Variants in NRXN3 observed in about 807,000 individuals in gnomAD.
NRXN3 encodes the protein neurexin 3, also known as neurexin III.
In NRXN3, 32 loss-of-function variants were observed where a neutral mutation model predicts 137.6. The observed-to-expected ratio is 0.23, with a 90% CI of 0.18 to 0.31. The LOEUF is 0.31. Among genes scored for constraint, NRXN3 ranks in the 10% least tolerant of loss-of-function variants. The pLI, the probability that NRXN3 is intolerant of heterozygous loss-of-function variation, is 1.00. For synonymous variants in NRXN3, 798 were observed against 784.5 expected (o/e 1.02, Z -0.29); for missense variants, 1,574 against 2,062.5 (o/e 0.76, Z 4.59).
At chr14:79,495,528 A>T (rs1281284415) in intron 16 of NRXN3, among the ~76,000 whole-genome samples, 1 of 152,180 alleles carries the variant, frequency 6.6e-6, no homozygotes, top group African/African-American at 2.4e-5. Flanking sequence ...CTGTTAAAGT[A>T]TGTAAATTCA....
rs1231518571 is a variant in NRXN3 at position 78,651,513 on chromosome 14, G to C, written c.1221+187G>C. The stretch of plus-strand genomic sequence containing the variant: ...CCCGCTTAAGCTGGTTGCATGACTT[G>C]GGGTTTGTCACTTTAGTACTGTATT... On this transcript the variant is annotated intron_variant, in intron 6 of 20. Coordinates refer to ENST00000335750, the MANE Select transcript of NRXN3 (RefSeq NM_001330195.2). Among the ~76,000 whole-genome samples, 5 of 152,154 alleles carry C rather than the reference G, an allele frequency of 3.3e-5. No homozygotes were observed. The East Asian group carries it at 7.7e-4, about 23-fold the overall frequency.
At position 79,111,045 on chromosome 14, in the gene NRXN3, C is replaced by CT. The variant is rs530457957; in HGVS notation, c.3262+122905dup. Among the ~76,000 whole-genome samples the CT allele has an allele frequency of 7.7e-4, 117 of 152,186 alleles. 1 individual carries two copies. The highest frequency in any genetic ancestry group is 6.8e-3 in the Middle Eastern group (2 of 294). ...GACCTCGTGGTCTGCCCGCCTCGGC[C>CT]TCCCAAAGTGCTGGGAGTACAGGCG... On this transcript the variant is annotated intron_variant, in intron 15 of 20. Coordinates refer to ENST00000335750, the MANE Select transcript of NRXN3 (RefSeq NM_001330195.2).
chr14:79,541,335 C>T (rs541510857), intron 16 of NRXN3, among the ~76,000 whole-genome samples: 7 of 152,138 alleles, frequency 4.6e-5, no homozygotes, highest in African/African-American at 1.7e-4. Context: ...ACCCAGGAGG[C>T]GGAGGTTGCA....
intron 16 of NRXN3, among the ~76,000 whole-genome samples, chr14:79,475,551 T>G (rs2096552162): frequency 6.6e-6 from 1 of 152,098 alleles, no homozygotes; most frequent in Non-Finnish European, 1.5e-5. Context: ...TTGCATAGCA[T>G]AAACAGGCTT....
chr14:78,685,832 T>C (rs2098120903), intron 6 of NRXN3, among the ~76,000 whole-genome samples: 1 of 151,052 alleles, frequency 6.6e-6, no homozygotes, highest in Non-Finnish European at 1.5e-5. Context: ...TTTTTGTATT[T>C]AGTAAAGCCT....
intron 16 of NRXN3, among the ~76,000 whole-genome samples, chr14:79,605,244 A>G (rs550785283): frequency 1.3e-5 from 2 of 152,268 alleles, no homozygotes; most frequent in Admixed American, 1.3e-4. Context: ...CCTTGACGTC[A>G]GCCTTGATAA....
intron 8 of NRXN3, among the ~76,000 whole-genome samples, chr14:78,732,648 A>G (rs144943626): frequency 6.6e-6 from 1 of 152,268 alleles, no homozygotes; most frequent in African/African-American, 2.4e-5. Flanking sequence ...AGTCTCTTAG[A>G]CCAGGTAAGA....
Position 78,952,685 on chromosome 14 carries a change from G to A in NRXN3, c.2276-4557G>A, listed in dbSNP as rs761459128. ...TATAATTATAGGCATCTTTCACTAC[G>A]CCTTTCTAAAGAGGGTAATTTTCAT... is the stretch of plus-strand genomic sequence containing the variant. On this transcript the variant is annotated intron_variant, in intron 10 of 20. Coordinates refer to ENST00000335750, the MANE Select transcript of NRXN3 (RefSeq NM_001330195.2). Among the ~76,000 whole-genome samples the A allele has an allele frequency of 5.2e-4, 79 of 152,218 alleles. 1 individual carries two copies. Among genetic ancestry groups the A allele is most frequent in the Middle Eastern group, 3.4e-3 (1 of 294 alleles).
intron 19 of NRXN3, among the ~76,000 whole-genome samples, chr14:79,771,447 C>G (rs914330433): frequency 6.6e-6 from 1 of 152,058 alleles, no homozygotes; most frequent in Non-Finnish European, 1.5e-5. Context: ...GGGCTTCATC[C>G]CTGGGATGCA....
At chr14:78,835,549 T>C (rs984980437) in intron 10 of NRXN3, among the ~76,000 whole-genome samples, 2 of 152,182 alleles carry the variant, frequency 1.3e-5, no homozygotes, top group African/African-American at 4.8e-5. Flanking sequence ...TGTCCCTATC[T>C]CTTTTGAATG....
chr14:78,911,367 G>A (rs1020409898), intron 10 of NRXN3, among the ~76,000 whole-genome samples: 1 of 152,086 alleles, frequency 6.6e-6, no homozygotes, highest in Admixed American at 6.5e-5. Flanking sequence ...GAAACTTTGT[G>A]ATGTTTTGTC....
intron 15 of NRXN3, among the ~76,000 whole-genome samples, chr14:79,413,537 C>T (rs2095449721): frequency 6.6e-6 from 1 of 151,902 alleles, no homozygotes; most frequent in African/African-American, 2.4e-5. Flanking sequence ...GGACCCAGAG[C>T]CCCCTAAAAC....
intron 16 of NRXN3, among the ~76,000 whole-genome samples, chr14:79,551,441 G>T (rs867411543): frequency 1.2e-4 from 19 of 152,242 alleles, no homozygotes; most frequent in South Asian, 6.2e-4. Context: ...TAATGGATTC[G>T]GTGGAAAATA....
At chr14:78,437,377 C>G (rs1357445795) in intron 4 of NRXN3, among the ~76,000 whole-genome samples, 6 of 149,082 alleles carry the variant, frequency 4.0e-5, no homozygotes, top group African/African-American at 1.5e-4. Flanking sequence ...GAGACAGAGT[C>G]TCACTCTGTT....
intron 19 of NRXN3, among the ~76,000 whole-genome samples, chr14:79,770,875 T>A (rs1259414700): frequency 6.6e-6 from 1 of 151,938 alleles, no homozygotes; most frequent in Non-Finnish European, 1.5e-5. Flanking sequence ...GATAGACCAC[T>A]AGCAAGACTA....
In NRXN3 at chr14:78,514,335, A is replaced by G. The variant is rs143511617; in HGVS notation, c.758-130785A>G. On this transcript the variant is annotated intron_variant, in intron 4 of 20. Transcript: ENST00000335750. Reference sequence around the variant, plus strand: ...GGGAAGATTCTGTGGAAGATGTGAGATCTGAGCTGTGTTCTATGGGGTAGC... The same window carrying G: ...GGGAAGATTCTGTGGAAGATGTGAGGTCTGAGCTGTGTTCTATGGGGTAGC... 2.0e-3 allele frequency among the ~76,000 whole-genome samples: 308 copies of G among 152,274 alleles called. 2 individuals are homozygous for G. The highest frequency in any genetic ancestry group is 7.2e-3 in the African/African-American group (298 of 41,552).
At chr14:79,130,755 A>T (rs147332971) in intron 15 of NRXN3, among the ~76,000 whole-genome samples, 241 of 152,246 alleles carry the variant, frequency 1.6e-3, no homozygotes, top group South Asian at 9.3e-3. Flanking sequence ...GTTTTCCTGG[A>T]TAATATCCTG....
At chr14:79,130,651 T>G (rs1026677641) in intron 15 of NRXN3, among the ~76,000 whole-genome samples, 16 of 152,164 alleles carry the variant, frequency 1.1e-4, no homozygotes, top group Non-Finnish European at 1.2e-4. Context: ...CTGACAATTA[T>G]GTGTCTTGGA....
intron 2 of NRXN3, among the ~76,000 whole-genome samples, chr14:78,245,288 C>T (rs2067516752): frequency 6.6e-6 from 1 of 152,198 alleles, no homozygotes; most frequent in Non-Finnish European, 1.5e-5. Context: ...CTCCAGACCA[C>T]ACCCCAGGCT....
Sources: allele counts gnomAD v4.1 joint callset (sites outside exome capture counted in the v4.1 genomes callset), GRCh38; gene constraint gnomAD v4.1.1; transcripts MANE v1.5; gene names NCBI Gene and HGNC (gene_info 2026-07-23, HGNC 2026-07-21).